Variants in AKAP6 observed in about 807,000 individuals in gnomAD.
AKAP6 encodes A-kinase anchor protein 6.
A neutral mutation model predicts 188.5 loss-of-function variants in AKAP6; 58 were observed. The ratio of observed to expected loss-of-function variants is 0.31; its 90% CI spans 0.25 to 0.38. AKAP6 has a LOEUF of 0.38. Ranked by LOEUF, AKAP6 falls within the 10% of genes least tolerant of loss-of-function variation. The pLI is 1.00. For synonymous variants in AKAP6, 989 were observed against 998.6 expected (o/e 0.99, Z 0.18); for missense variants, 2,710 against 2,740.0 (o/e 0.99, Z 0.24).
chr14:32,711,383 C>T (rs188964555), intron 9 of AKAP6, among the ~76,000 whole-genome samples: 85 of 152,162 alleles, frequency 5.6e-4, no homozygotes, highest in African/African-American at 1.9e-3. Context: ...ACTTCTCTGG[C>T]GGCTTGACTG....
intron 11 of AKAP6, among the ~76,000 whole-genome samples, chr14:32,769,571 T>G (rs1594928407): frequency 7.4e-6 from 1 of 135,192 alleles, no homozygotes; most frequent in South Asian, 2.3e-4. Flanking sequence ...TTTTTTTTTT[T>G]TAACAGATCA....
At chr14:32,656,434 T>G (rs1359030190) in intron 7 of AKAP6, among the ~76,000 whole-genome samples, 1 of 152,150 alleles carries the variant, frequency 6.6e-6, no homozygotes, top group Non-Finnish European at 1.5e-5. Flanking sequence ...TCTCTCCTTC[T>G]TAGCAGTTCT....
intron 2 of AKAP6, among the ~76,000 whole-genome samples, chr14:32,498,948 T>A (rs1269053636): frequency 6.6e-6 from 1 of 152,160 alleles, no homozygotes; most frequent in African/African-American, 2.4e-5. Flanking sequence ...AATTTTTTTT[T>A]TTTGGTCCAT....
intron 2 of AKAP6, among the ~76,000 whole-genome samples, chr14:32,502,914 TC>T (rs1213674049): frequency 6.6e-6 from 1 of 152,116 alleles, no homozygotes; most frequent in Non-Finnish European, 1.5e-5. Context: ...ATAAGTCATT[TC>T]ACAAAAAATG....
intron 7 of AKAP6, among the ~76,000 whole-genome samples, chr14:32,670,210 G>T (rs932924300): frequency 6.6e-6 from 1 of 152,024 alleles, no homozygotes; most frequent in Non-Finnish European, 1.5e-5. Flanking sequence ...TAGCAGGAGG[G>T]TAAATGCCCC....
Position 32,535,712 on chromosome 14 carries a change from G to A in AKAP6, c.483G>A (p.Leu161=), listed in dbSNP as rs2139116634. ...WHQLRVSVLV[L]RERILQGLQD... The stretch of plus-strand genomic sequence containing the variant: ...AGCTTCGAGTCTCAGTGCTGGTTCT[G>A]CGGGAGCGCATTCTGCAAGGTCTGC... Residue 161 remains leucine, a synonymous_variant, in exon 3 of 14, where the codon CTG becomes CTA. Transcript: ENST00000280979. 2 of 1,614,232 alleles carry A rather than the reference G, an allele frequency of 1.2e-6. No homozygotes were observed. The highest frequency in any genetic ancestry group is 8.5e-7 in the Non-Finnish European group (1 of 1,180,026).
chr14:32,417,641 C>T (rs1889702705), intron 1 of AKAP6, among the ~76,000 whole-genome samples: 1 of 152,154 alleles, frequency 6.6e-6, no homozygotes, highest in South Asian at 2.1e-4. Context: ...TTCTGCTTAA[C>T]TGTAGTGTAA....
intron 2 of AKAP6, among the ~76,000 whole-genome samples, chr14:32,486,111 A>G (rs1274101459): frequency 6.6e-6 from 1 of 152,134 alleles, no homozygotes; most frequent in Non-Finnish European, 1.5e-5. Flanking sequence ...CAGGTTTGTC[A>G]AGGGTCAGAT....
chr14:32,670,722 T>C (rs1889151855), intron 7 of AKAP6, among the ~76,000 whole-genome samples: 2 of 151,704 alleles, frequency 1.3e-5, no homozygotes, highest in Non-Finnish European at 2.9e-5. Flanking sequence ...AGAAGCTTTT[T>C]TTTCTTCTTT....
intron 8 of AKAP6, among the ~76,000 whole-genome samples, chr14:32,680,318 TG>T (rs1168923822): frequency 6.6e-6 from 1 of 152,330 alleles, no homozygotes; most frequent in East Asian, 1.9e-4. Context: ...AGAAAAGCAT[TG>T]TTTGAGAAAT....
At chr14:32,349,054 T>G (rs2138438471) in intron 1 of AKAP6, among the ~76,000 whole-genome samples, 1 of 152,316 alleles carries the variant, frequency 6.6e-6, no homozygotes, top group East Asian at 1.9e-4. Context: ...TTATAATTCA[T>G]AAAAGAGATT....
intron 7 of AKAP6, among the ~76,000 whole-genome samples, chr14:32,662,991 G>T (rs1888769072): frequency 6.6e-6 from 1 of 151,994 alleles, no homozygotes; most frequent in Non-Finnish European, 1.5e-5. Flanking sequence ...ACCAATTTTG[G>T]TGGTAAGAAG....
intron 1 of AKAP6, among the ~76,000 whole-genome samples, chr14:32,370,094 C>T (rs751759151): frequency 2.0e-5 from 3 of 152,156 alleles, no homozygotes; most frequent in Non-Finnish European, 4.4e-5. Flanking sequence ...CATTACATGA[C>T]CATTATTTCT....
intron 5 of AKAP6, 139 bp downstream of exon 5, chr14:32,577,381 G>T: frequency 9.1e-7 from 1 of 1,103,628 alleles, no homozygotes; most frequent in Non-Finnish European, 1.3e-6. Flanking sequence ...GGTCACAGAA[G>T]ATGAAAATTT....
At chr14:32,745,262 T>C (rs1309094829) in intron 11 of AKAP6, among the ~76,000 whole-genome samples, 1 of 152,132 alleles carries the variant, frequency 6.6e-6, no homozygotes, top group African/African-American at 2.4e-5. Flanking sequence ...GCTTTCCAGA[T>C]ATTTGAAATG....
At chr14:32,687,454 CTT>C (rs1261987239) in intron 8 of AKAP6, among the ~76,000 whole-genome samples, 2 of 132,888 alleles carry the variant, frequency 1.5e-5, no homozygotes, top group African/African-American at 2.8e-5. Flanking sequence ...CTCTCTTTCT[CTT>C]TTTTTTTTTT....
chr14:32,439,155 TG>T (rs1419351757), intron 2 of AKAP6: 1 of 152,260 alleles, frequency 6.6e-6, no homozygotes, highest in East Asian at 1.9e-4. Flanking sequence ...CAAGATGTTC[TG>T]ACTGGGCTGT....
At chr14:32,594,668 A>T (rs1885619473) in intron 5 of AKAP6, among the ~76,000 whole-genome samples, 1 of 152,168 alleles carries the variant, frequency 6.6e-6, no homozygotes, top group Non-Finnish European at 1.5e-5. Context: ...CTCAGAGTGG[A>T]GCCTGGGCAG....
At chr14:32,581,881 T>A (rs556202982) in intron 5 of AKAP6, among the ~76,000 whole-genome samples, 2 of 152,222 alleles carry the variant, frequency 1.3e-5, no homozygotes, top group African/African-American at 4.8e-5. Flanking sequence ...TTTGAGCCTA[T>A]GTGTGTCTCT....
Sources: allele counts gnomAD v4.1 joint callset (sites outside exome capture counted in the v4.1 genomes callset), GRCh38; gene constraint gnomAD v4.1.1; transcripts MANE v1.5; gene names NCBI Gene and HGNC (gene_info 2026-07-23, HGNC 2026-07-21).